The following PCSK9 variants were observed in gnomAD, a reference collection of about 807,000 sequenced individuals.
PCSK9 encodes the protein convertase subtilisin/kexin type 9 preproprotein.
PCSK9 carries 57 observed loss-of-function variants against 62.1 expected under a neutral mutation model. That is an observed-to-expected ratio of 0.92 (90% confidence interval 0.74 to 1.14). The LOEUF (loss-of-function observed/expected upper bound fraction) is 1.14. Ranked by LOEUF, PCSK9 falls within the 50% of genes most tolerant of loss-of-function variation. PCSK9 has a pLI of 0.00. For missense variants in PCSK9, 870 were observed against 959.8 expected, an observed-to-expected ratio of 0.91 and a Z score of 1.24; for synonymous variants, 387 against 409.4, an observed-to-expected ratio of 0.95 and a Z score of 0.66.
intron 1 of PCSK9, among the ~76,000 whole-genome samples, chr1:55,042,822 T>C (rs1286163214): frequency 6.6e-6 from 1 of 152,198 alleles, no homozygotes; most frequent in Non-Finnish European, 1.5e-5. Flanking sequence ...GTCCTCAGTG[T>C]TGGAAGTGGG....
At position 55,039,791 on chromosome 1, in the gene PCSK9, G is replaced by C. The variant is rs1269395517; in HGVS notation, c.-47G>C. 4.5e-6 allele frequency: 7 copies of C among 1,563,754 alleles called. No individual in the cohort carries two copies. The highest frequency in any genetic ancestry group is 1.9e-5 in the Admixed American group (1 of 52,842). On this transcript the variant is annotated 5_prime_UTR_variant, in exon 1 of 12. Coordinates refer to ENST00000302118, the MANE Select transcript of PCSK9 (RefSeq NM_174936.4). ...GGCGCCGCCGGCGTGGACCGCGCAC[G>C]GCCTCTAGGTCTCCTCGCCAGGACA...
chr1:55,058,633 G>A lies in PCSK9; in HGVS notation c.1489G>A (p.Gly497Ser). 6.2e-7 allele frequency: 1 copy of A among 1,610,846 alleles called. No individual in the cohort carries two copies. Among genetic ancestry groups the A allele is most frequent in the Non-Finnish European group, 8.5e-7 (1 of 1,179,680 alleles). The change falls in exon 9 of 12, where the codon GGC (glycine) becomes AGC (serine). Residue 497 changes from glycine (G) to serine (S), a missense_variant. By Grantham distance (56) the Gly-to-Ser change is moderately conservative. Transcript: ENST00000302118. The part of the protein sequence containing the change: ...SSFSRSGKRR[G>S]ERMEAQGGKL... ...TTTCTCCAGGAGTGGGAAGCGGCGG[G>A]GCGAGCGCATGGAGGTGACTGTACC...
At position 55,063,518 on chromosome 1, in the gene PCSK9, C is replaced by G. The variant is rs761714505; in HGVS notation, c.2013C>G (p.Ala671=). 7 of 1,613,590 alleles carry G rather than the reference C, an allele frequency of 4.3e-6. No homozygotes were observed. In the Admixed American group the frequency reaches 1.2e-4, roughly 27 times the overall value. The change falls in exon 12 of 12, where the codon GCC becomes GCG. Residue 671 remains alanine, a synonymous_variant. Transcript: ENST00000302118. The stretch of plus-strand genomic sequence containing the variant: ...CTACAGGCAGCACCAGCGAAGGGGC[C>G]GTGACAGCCGTTGCCATCTGCTGCC... ...VSTTGSTSEG[A]VTAVAICCRS...
At position 55,051,833 on chromosome 1, in the gene PCSK9, C is replaced by T. The variant is rs12079495; in HGVS notation, c.524-445C>T. On this transcript the variant is annotated intron_variant, in intron 3 of 11. Transcript: ENST00000302118. ...GCAGCTTCCTGTCTCTAAAATGAGCCGGCCAGCGCAGGTGGCCAGACATCA... is the reference window on the plus strand; with the variant it reads ...GCAGCTTCCTGTCTCTAAAATGAGCTGGCCAGCGCAGGTGGCCAGACATCA... 1.5e-3 allele frequency: 390 copies of T among 266,440 alleles called. 1 individual carries two copies. Among genetic ancestry groups the T allele is most frequent in the African/African-American group, 7.8e-3 (347 of 44,312 alleles). The allele number at this position is 266,440 out of a possible 1,614,324, so 16.5% of individuals were successfully genotyped here. A position where few individuals can be genotyped will look rare whatever the true frequency, so the allele number is the denominator to read the frequency against.
chr1:55,055,725 G>A (rs1461234840), intron 5 of PCSK9, among the ~76,000 whole-genome samples: 1 of 152,198 alleles, frequency 6.6e-6, no homozygotes, highest in Non-Finnish European at 1.5e-5. Context: ...TTCCCTGGGA[G>A]GCCTCAGTCT....
At chr1:55,047,069 C>T (rs1350549118) in intron 3 of PCSK9, among the ~76,000 whole-genome samples, 2 of 152,176 alleles carry the variant, frequency 1.3e-5, no homozygotes, top group African/African-American at 2.4e-5. Flanking sequence ...TGCCTACCTT[C>T]CTGTTTTGCT....
intron 10 of PCSK9, among the ~76,000 whole-genome samples, chr1:55,060,772 G>C (rs935720602): frequency 6.6e-6 from 1 of 152,218 alleles, no homozygotes; most frequent in African/African-American, 2.4e-5. Flanking sequence ...AGGACATAGA[G>C]AATGCTAGTA....
Position 55,058,017 on chromosome 1 carries a change from C to T in PCSK9, c.1181-19C>T. 6.2e-7 allele frequency: 1 copy of T among 1,613,574 alleles called. No individual in the cohort carries two copies. The highest frequency in any genetic ancestry group is 8.5e-7 in the Non-Finnish European group (1 of 1,180,028). The stretch of plus-strand genomic sequence containing the variant: ...AGGGCCGGGCCATCACCATCTTTCA[C>T]CATTCACCCCTGCACCAGGCATTGC... On this transcript the variant is annotated intron_variant, in intron 7 of 11. Transcript: ENST00000302118.
rs979296793 is a variant in PCSK9, at chr1:55,039,675, C to G, written c.-163C>G. ...GGGACGCGTCGTTGCAGCAGCGGCT[C>G]CCAGCTCCCAGCCAGGATTCCGCGC... On this transcript the variant is annotated 5_prime_UTR_variant, in exon 1 of 12. Transcript: ENST00000302118. 3 of 817,460 alleles carry G rather than the reference C, an allele frequency of 3.7e-6. No individual in the cohort carries two copies. Among genetic ancestry groups the G allele is most frequent in the Non-Finnish European group, 5.7e-6 (3 of 524,402 alleles). The allele number at this position is 817,460 out of a possible 1,614,324, so 50.6% of individuals were successfully genotyped here.
At chr1:55,062,199 A>G (rs1181708973) in intron 11 of PCSK9, among the ~76,000 whole-genome samples, 1 of 152,268 alleles carries the variant, frequency 6.6e-6, no homozygotes, top group East Asian at 1.9e-4. Flanking sequence ...CGGGCCTTCT[A>G]GAAACCTGAG....
chr1:55,048,371 A>G (rs1404221689), intron 3 of PCSK9, among the ~76,000 whole-genome samples: 1 of 152,194 alleles, frequency 6.6e-6, no homozygotes, highest in Admixed American at 6.5e-5. Flanking sequence ...TCACAGCCAC[A>G]GGTTGTGGGG....
intron 11 of PCSK9, among the ~76,000 whole-genome samples, chr1:55,062,502 A>C (rs1192309509): frequency 6.6e-6 from 1 of 152,240 alleles, no homozygotes; most frequent in Non-Finnish European, 1.5e-5. Context: ...GACAGAAAAC[A>C]AACCATTAAT....
rs1488157123 is a variant in PCSK9 at position 55,039,992 on chromosome 1, T to C, written c.155T>C (p.Leu52Pro). Residue 52 changes from leucine (L) to proline (P), a missense_variant, in exon 1 of 12, where the codon CTG becomes CCG. Leu to Pro is a moderately conservative substitution (Grantham distance 98). Coordinates refer to ENST00000302118, the MANE Select transcript of PCSK9 (RefSeq NM_174936.4). ...VLALRSEEDG[L>P]AEAPEHGTTA... ...GCCTTGCGTTCCGAGGAGGACGGCCTGGCCGAAGCACCCGAGCACGGAACC... is the reference window on the plus strand; with the variant it reads ...GCCTTGCGTTCCGAGGAGGACGGCCCGGCCGAAGCACCCGAGCACGGAACC... 3 of 1,580,392 alleles carry C rather than the reference T, an allele frequency of 1.9e-6. No homozygotes were observed. The highest frequency in any genetic ancestry group is 2.6e-6 in the Non-Finnish European group (3 of 1,164,160).
chr1:55,053,802 G>A (rs974567245), intron 5 of PCSK9, among the ~76,000 whole-genome samples: 2 of 152,148 alleles, frequency 1.3e-5, no homozygotes, highest in African/African-American at 4.8e-5. Context: ...GACTGACCTC[G>A]GCTCAGTCAG....
rs750836360 is a variant in PCSK9, at chr1:55,043,829, T to G, written c.208-14T>G. 2.0e-5 allele frequency: 32 copies of G among 1,613,706 alleles called. No homozygotes were observed. The highest frequency in any genetic ancestry group is 3.4e-4 in the Middle Eastern group (2 of 5,820). ...TTCTTCCATGTCATCATGTTCCTCC[T>G]TGCATGGGGCCAGGATCCGTGGAGG... On this transcript the variant is annotated splice_polypyrimidine_tract_variant and intron_variant, in intron 1 of 11. Transcript: ENST00000302118.
In PCSK9 at chr1:55,056,131, C is replaced by T; in HGVS notation, c.938C>T (p.Thr313Ile). The T allele has an allele frequency of 1.3e-6, 2 of 1,563,992 alleles. No individual in the cohort carries two copies. Among genetic ancestry groups the T allele is most frequent in the South Asian group, 1.2e-5 (1 of 86,056 alleles). ...GCGAGGGCTGGGGTCGTGCTGGTCA[C>T]CGCTGCCGGCAACTTCCGGGACGAT... ...RLARAGVVLV[T>I]AAGNFRDDAC... Residue 313 changes from threonine (T) to isoleucine (I), a missense_variant, in exon 6 of 12, where the codon ACC becomes ATC. Coordinates refer to ENST00000302118, the MANE Select transcript of PCSK9 (RefSeq NM_174936.4).
In PCSK9 at chr1:55,057,425, C is replaced by G. The variant is rs1353354672; in HGVS notation, c.1091C>G (p.Pro364Arg). 6.2e-7 allele frequency: 1 copy of G among 1,614,150 alleles called. No homozygotes were observed. The highest frequency in any genetic ancestry group is 1.7e-5 in the Admixed American group (1 of 60,026). ...NFGRCVDLFA[P>R]GEDIIGASSD... ...GGCCGCTGTGTGGACCTCTTTGCCC[C>G]AGGGGAGGACATCATTGGTGCCTCC... is the stretch of plus-strand genomic sequence containing the variant. The change falls in exon 7 of 12, where the codon CCA becomes CGA. Residue 364 changes from proline to arginine, a missense_variant. Pro to Arg is a moderately radical substitution (Grantham distance 103, BLOSUM62 -2). Coordinates refer to ENST00000302118, the MANE Select transcript of PCSK9 (RefSeq NM_174936.4).
rs1490414204 is a variant in PCSK9, at chr1:55,063,671, C to T, written c.*87C>T. 2.0e-5 allele frequency: 29 copies of T among 1,422,166 alleles called. No individual in the cohort carries two copies. Among genetic ancestry groups the T allele is most frequent in the East Asian group, 7.4e-5 (3 of 40,316 alleles). The allele number at this position is 1,422,166 out of a possible 1,614,324, so 88.1% of individuals were successfully genotyped here. Reference sequence around the variant, plus strand: ...GTTCCGACTTGTCCCTCTCTCAGCCCTCCATGGCCTGGCACGAGGGGATGG... The same window carrying T: ...GTTCCGACTTGTCCCTCTCTCAGCCTTCCATGGCCTGGCACGAGGGGATGG... On this transcript the variant is annotated 3_prime_UTR_variant, in exon 12 of 12. Transcript: ENST00000302118.
intron 1 of PCSK9, among the ~76,000 whole-genome samples, chr1:55,042,110 C>T (rs2100260903): frequency 6.6e-6 from 1 of 152,170 alleles, no homozygotes; most frequent in African/African-American, 2.4e-5. Context: ...CCACGCCCGG[C>T]TAATTTTTGT....
Sources: allele counts gnomAD v4.1 joint callset (sites outside exome capture counted in the v4.1 genomes callset), GRCh38; gene constraint gnomAD v4.1.1; transcripts MANE v1.5; gene names NCBI Gene and HGNC (gene_info 2026-07-23, HGNC 2026-07-21).